The following RIMKLB variants were observed in gnomAD, a reference collection of about 807,000 sequenced individuals.
RIMKLB encodes ribosomal modification protein rimK like family member B, also known as beta-citrylglutamate synthase B.
A neutral mutation model predicts 32.0 loss-of-function variants in RIMKLB; 7 were observed. That is an observed-to-expected ratio of 0.22 (90% CI 0.12 to 0.41). RIMKLB has a LOEUF of 0.41. Ranked by LOEUF, RIMKLB falls within the 10% of genes least tolerant of loss-of-function variation. RIMKLB has a pLI of 1.00. For missense variants in RIMKLB, 289 were observed against 498.7 expected, an observed-to-expected ratio of 0.58 and a Z score of 4.00; for synonymous variants, 172 against 185.1, an observed-to-expected ratio of 0.93 and a Z score of 0.57.
At chr12:8,751,891 T>C (rs1437327325) in intron 3 of RIMKLB, 66 bp from the exon 4 acceptor site, 1 of 1,045,854 alleles carries the variant, frequency 9.6e-7, no homozygotes, top group Non-Finnish European at 1.5e-6. Flanking sequence ...TCTTTAGCGT[T>C]GATAAAATTG....
At chr12:8,766,115 G>A (rs1949937842) in intron 5 of RIMKLB, among the ~76,000 whole-genome samples, 1 of 151,848 alleles carries the variant, frequency 6.6e-6, no homozygotes, top group African/African-American at 2.4e-5. Flanking sequence ...TTTCCCATCT[G>A]AAAAAAAGAA....
chr12:8,697,858 C>G (rs1361541144), upstream of RIMKLB: 3 of 146,206 alleles, frequency 2.1e-5, no homozygotes, highest in Non-Finnish European at 4.6e-5. Context: ...CCCGCCGCGC[C>G]GCGGCGCCAG....
At chr12:8,719,854 T>C (rs959070885) in intron 2 of RIMKLB, among the ~76,000 whole-genome samples, 2 of 152,236 alleles carry the variant, frequency 1.3e-5, no homozygotes, top group African/African-American at 4.8e-5. Flanking sequence ...TACAAGGTTG[T>C]GGATACAAGG....
At chr12:8,675,530 T>C in the RIMKLB span, among the ~76,000 whole-genome samples, 4 of 152,234 alleles carry the variant, frequency 2.6e-5, no homozygotes, top group African/African-American at 9.6e-5. Flanking sequence ...CAGTCTAACC[T>C]CTATCTATCA....
chr12:8,777,215 C>CTTTTTTTTTTTTTTTTTTT (rs35828763), downstream of RIMKLB: 5 of 703,914 alleles, frequency 7.1e-6, no homozygotes, highest in African/African-American at 3.0e-5. Context: ...TGCTTGCTTT[C>CTTTTTTTTTTTTTTTTTTT]TTTTTTTTTT....
At chr12:8,693,401 CT>C (rs397849959), upstream of RIMKLB, among the ~76,000 whole-genome samples, 980 of 140,952 alleles carry the variant, frequency 7.0e-3, 4 homozygotes, top group East Asian at 0.017. Context: ...TTCTTTCTTT[CT>C]TTTTTTTTTT....
chr12:8,728,543 T>G (rs1946243322), intron 2 of RIMKLB, among the ~76,000 whole-genome samples: 1 of 152,160 alleles, frequency 6.6e-6, no homozygotes, highest in African/African-American at 2.4e-5. Flanking sequence ...GTAGGTTAGA[T>G]TTTAGTAAAA....
intron 2 of RIMKLB, among the ~76,000 whole-genome samples, chr12:8,728,460 A>G (rs1356644657): frequency 2.6e-5 from 4 of 152,082 alleles, no homozygotes; most frequent in Admixed American, 6.5e-5. Context: ...GTGTATCCCA[A>G]TTATTTTTAT....
intron 1 of RIMKLB, among the ~76,000 whole-genome samples, chr12:8,688,469 A>G (rs918285544): frequency 1.3e-5 from 2 of 152,190 alleles, no homozygotes; most frequent in Non-Finnish European, 2.9e-5. Context: ...TTTTCTTAGA[A>G]AGGAAAATTT....
chr12:8,740,935 G>A (rs898336968), intron 2 of RIMKLB, among the ~76,000 whole-genome samples: 25 of 152,182 alleles, frequency 1.6e-4, no homozygotes, highest in African/African-American at 6.0e-4. Context: ...TTAGCCAGGC[G>A]GGGTGGCTCA....
At chr12:8,709,025 A>G (rs186685256) in intron 1 of RIMKLB, among the ~76,000 whole-genome samples, 91 of 152,348 alleles carry the variant, frequency 6.0e-4, no homozygotes, top group African/African-American at 2.2e-3. Flanking sequence ...CTTACATTCT[A>G]AGAGAGGAAA....
rs528526133 is a variant in RIMKLB, at chr12:8,717,544, G to T, written c.175+3503G>T. Reference sequence around the variant, plus strand: ...CCAATATTAGTCTTTTCTATTAATGGTGTCCTATTCCTAGCCTAAGCTTGA... The same window carrying T: ...CCAATATTAGTCTTTTCTATTAATGTTGTCCTATTCCTAGCCTAAGCTTGA... On this transcript the variant is annotated intron_variant, in intron 2 of 5. Transcript: ENST00000535829. Among the ~76,000 whole-genome samples, 52 of 151,862 alleles carry T rather than the reference G, an allele frequency of 3.4e-4. No individual in the cohort carries two copies. The South Asian group carries it at 1.0e-2, about 29-fold the overall frequency.
At chr12:8,753,692 G>A (rs1948797628) in intron 4 of RIMKLB, among the ~76,000 whole-genome samples, 198 bp from the exon 5 acceptor site, 1 of 152,088 alleles carries the variant, frequency 6.6e-6, no homozygotes, top group African/African-American at 2.4e-5. Context: ...TTAGGGAGTA[G>A]TAAAAGGAGA....
chr12:8,672,571 T>C, the RIMKLB span, among the ~76,000 whole-genome samples: 2 of 151,960 alleles, frequency 1.3e-5, no homozygotes, highest in African/African-American at 4.8e-5. Flanking sequence ...TCATGAGACT[T>C]AATCACTACC....
At chr12:8,780,249 G>T (rs1273597284), downstream of RIMKLB, 1 of 152,176 alleles carries the variant, frequency 6.6e-6, no homozygotes, top group Non-Finnish European at 1.5e-5. Context: ...TTAAGTTATG[G>T]TATTTGTTCA....
In RIMKLB at chr12:8,686,162, G is replaced by C. The variant is rs780188298; in HGVS notation, n.219+4344G>C. Reference sequence around the variant, plus strand: ...TCACCATGTTGGCTAGGCTGCTCTCGAACTCCTGACCTCAGCTGATCCACT... The same window carrying C: ...TCACCATGTTGGCTAGGCTGCTCTCCAACTCCTGACCTCAGCTGATCCACT... On this transcript the variant is annotated intron_variant and non_coding_transcript_variant, in intron 1 of 1. Transcript: ENST00000538758. Among the ~76,000 whole-genome samples the C allele has an allele frequency of 4.6e-5, 7 of 152,058 alleles. No homozygotes were observed. The South Asian group carries it at 1.5e-3, about 32-fold the overall frequency.
upstream of RIMKLB, chr12:8,678,836 C>G (rs758973473): frequency 6.6e-6 from 1 of 152,184 alleles, no homozygotes; most frequent in East Asian, 1.9e-4. Context: ...GAAAATTAAG[C>G]TCATTTTTCA....
chr12:8,706,380 G>A (rs973121877), intron 1 of RIMKLB, among the ~76,000 whole-genome samples: 1 of 149,684 alleles, frequency 6.7e-6, no homozygotes, highest in African/African-American at 2.5e-5. Context: ...CCTCAGGTGA[G>A]GTGATCCACC....
chr12:8,669,605 A>G, the RIMKLB span, among the ~76,000 whole-genome samples: 1 of 152,172 alleles, frequency 6.6e-6, no homozygotes. Context: ...ATTATGCTAC[A>G]TAAATTATAT....
Sources: gnomAD v4.1 joint callset for allele counts (sites outside exome capture counted in the v4.1 genomes callset) on GRCh38, gnomAD v4.1.1 for gene constraint, MANE v1.5 for transcripts, NCBI Gene and HGNC (gene_info 2026-07-23, HGNC 2026-07-21) for gene names.